The following EVC2 variants were observed in gnomAD, a reference collection of about 807,000 sequenced individuals.
EVC2 encodes limbin.
In EVC2, 148 loss-of-function variants were observed where a neutral mutation model predicts 149.3. The observed-to-expected ratio is 0.99, with a 90% CI of 0.87 to 1.14. The LOEUF is 1.14. Ranked by LOEUF, EVC2 falls within the 50% of genes most tolerant of loss-of-function variation. The pLI is 0.00. For synonymous variants in EVC2, 776 were observed against 649.9 expected (o/e 1.19, Z -2.95); for missense variants, 1,854 against 1,627.3 (o/e 1.14, Z -2.40).
chr4:5,543,257 C>T lies in EVC2; in HGVS notation c.3420-45G>A, dbSNP rs747285419. 8.8e-6 allele frequency: 11 copies of T among 1,250,542 alleles called. 1 individual carries two copies. The South Asian group carries it at 1.1e-4, about 13-fold the overall frequency. The allele number at this position is 1,250,542 out of a possible 1,614,324, so 77.5% of individuals were successfully genotyped here. On this transcript the variant is annotated intron_variant and NMD_transcript_variant, in intron 21 of 22. Coordinates refer to the EVC2 transcript ENST00000475313. The stretch of plus-strand genomic sequence containing the variant: ...TGGTCTAACCAAAGTCTCTCCCATC[C>T]CTACCCACATTGTACCATCACCATC...
chr4:5,535,748 T>C, the EVC2 span, among the ~76,000 whole-genome samples: 1 of 152,084 alleles, frequency 6.6e-6, no homozygotes. The surrounding 1 kb of genome is among the most constrained non-coding windows in gnomAD (Gnocchi z 4.7). Context: ...CACCTCAAAA[T>C]ACCATCGCAT....
At chr4:5,699,552 T>C (rs545191194) in intron 1 of EVC2, among the ~76,000 whole-genome samples, 84 of 147,738 alleles carry the variant, frequency 5.7e-4, no homozygotes, top group African/African-American at 2.0e-3. Flanking sequence ...TGTCCATCAA[T>C]GGATGAATGG....
intron 9 of EVC2, among the ~76,000 whole-genome samples, chr4:5,645,971 G>A (rs1717681432): frequency 6.6e-6 from 1 of 152,074 alleles, no homozygotes. Context: ...TGTTGCCCAG[G>A]CTGGATGGAG....
chr4:5,592,590 A>G lies in EVC2; in HGVS notation c.2830-7740T>C, dbSNP rs181625236. 2.1e-3 allele frequency among the ~76,000 whole-genome samples: 325 copies of G among 152,356 alleles called. 2 individuals carry two copies. The highest frequency in any genetic ancestry group is 7.4e-3 in the African/African-American group (309 of 41,566). On this transcript the variant is annotated intron_variant, in intron 16 of 21. Transcript: ENST00000344408. Reference sequence around the variant, plus strand: ...AGGGAACAGCAGTCTCCCAACAGATAGTAAAGACTTGAAATTGGTGATCAG... The same window carrying G: ...AGGGAACAGCAGTCTCCCAACAGATGGTAAAGACTTGAAATTGGTGATCAG...
At chr4:5,624,348 G>C (rs899511544) in intron 13 of EVC2, among the ~76,000 whole-genome samples, 13 of 152,150 alleles carry the variant, frequency 8.5e-5, no homozygotes, top group Non-Finnish European at 1.5e-4. Flanking sequence ...ACTCAAACCA[G>C]CACTCCTATT....
At chr4:5,549,392 G>A (rs191704627) in intron 21 of EVC2, among the ~76,000 whole-genome samples, 198 of 152,344 alleles carry the variant, frequency 1.3e-3, no homozygotes, top group African/African-American at 4.3e-3. Context: ...CTCACAGGTA[G>A]TCTGAGGGGC....
At position 5,628,743 on chromosome 4, in the gene EVC2, TA is replaced by T. The variant is rs35103377; in HGVS notation, c.1711-10del. On this transcript the variant is annotated splice_polypyrimidine_tract_variant and intron_variant, in intron 11 of 21. Coordinates refer to ENST00000344408, the MANE Select transcript of EVC2 (RefSeq NM_147127.5). ...AACTCTTCTACATTCTCCTGTCAAT[TA>T]AAAAAAAAAACAAGAAAATATGCCT... 0.32 allele frequency: 428,005 copies of T among 1,347,716 alleles called. 52,959 individuals carry two copies. The highest frequency in any genetic ancestry group is 0.62 in the East Asian group (24,894 of 40,188). 83.5% of individuals were successfully genotyped at this position (1,347,716 alleles called of 1,614,324 possible).
intron 8 of EVC2, 35 bp from the exon 9 acceptor site, chr4:5,663,281 G>T: frequency 6.2e-7 from 1 of 1,613,122 alleles, no homozygotes; most frequent in Non-Finnish European, 8.5e-7. Context: ...AATTGATTGG[G>T]CCTTCTTGTG....
intron 9 of EVC2, among the ~76,000 whole-genome samples, chr4:5,644,829 G>T (rs1476382324): frequency 6.6e-6 from 1 of 152,010 alleles, no homozygotes; most frequent in African/African-American, 2.4e-5. Context: ...TGACCACTAG[G>T]TCCATCCATG....
intron 16 of EVC2, 52 bp downstream of exon 16, chr4:5,615,370 G>A (rs1715164698): frequency 6.2e-7 from 1 of 1,613,086 alleles, no homozygotes; most frequent in Admixed American, 1.7e-5. Context: ...AGCTATCAGA[G>A]CAGCCCCGCC....
At chr4:5,698,918 T>C (rs1485465976) in intron 1 of EVC2, among the ~76,000 whole-genome samples, 1 of 152,258 alleles carries the variant, frequency 6.6e-6, no homozygotes, top group African/African-American at 2.4e-5. Context: ...ACTGTTCACA[T>C]GGCTCTCACG....
At chr4:5,692,160 A>G (rs1186955114) in intron 3 of EVC2, among the ~76,000 whole-genome samples, 1 of 152,176 alleles carries the variant, frequency 6.6e-6, no homozygotes, top group Non-Finnish European at 1.5e-5. Context: ...TCTCAGTGAT[A>G]TTCATAATCG....
chr4:5,556,940 C>T (rs957780573), intron 21 of EVC2, among the ~76,000 whole-genome samples: 1 of 152,044 alleles, frequency 6.6e-6, no homozygotes, highest in South Asian at 2.1e-4. Context: ...AATTGGTACC[C>T]TTCCAAGAAA....
rs1279351106 is a variant in EVC2, at chr4:5,663,239, T to C, written c.1013A>G (p.Gln338Arg). 6.2e-7 allele frequency: 1 copy of C among 1,614,152 alleles called. No homozygotes were observed. The highest frequency in any genetic ancestry group is 1.7e-5 in the Admixed American group (1 of 60,028). The change falls in exon 9 of 22, where the codon CAG (glutamine) becomes CGG (arginine). Residue 338 changes from glutamine (Q) to arginine (R), a missense_variant. Coordinates refer to ENST00000344408, the MANE Select transcript of EVC2 (RefSeq NM_147127.5). Reference sequence around the variant, plus strand: ...CAAGGGTTCCAGCTTGCTCTCATACTGCCAAACCTTCAGGAGAATTGCGGA... The same window carrying C: ...CAAGGGTTCCAGCTTGCTCTCATACCGCCAAACCTTCAGGAGAATTGCGGA... ...GNMLTRHRVW[Q>R]YESKLEPLPF...
chr4:5,689,015 G>C, intron 5 of EVC2, 142 bp downstream of exon 5: 1 of 893,338 alleles, frequency 1.1e-6, no homozygotes, highest in Non-Finnish European at 1.8e-6. Context: ...TTGATACCCT[G>C]ATAGTAAGAT....
At chr4:5,651,101 T>A (rs932177027) in intron 9 of EVC2, among the ~76,000 whole-genome samples, 3 of 151,920 alleles carry the variant, frequency 2.0e-5, no homozygotes, top group Non-Finnish European at 4.4e-5. Context: ...GAAGAATGGA[T>A]GAATGGATAG....
chr4:5,568,021 T>G (rs1444979660), intron 20 of EVC2, among the ~76,000 whole-genome samples: 1 of 152,226 alleles, frequency 6.6e-6, no homozygotes, highest in East Asian at 1.9e-4. Flanking sequence ...CACTCCACAC[T>G]CGACACACAA....
In EVC2 at chr4:5,686,468, A is replaced by G. The variant is rs1213756096; in HGVS notation, c.707-989T>C. ...AGTCATAGTCAGACCTTCCCCATAC[A>G]GTGATTTCATCACTCTCCACGTGCT... On this transcript the variant is annotated intron_variant, in intron 5 of 21. Coordinates refer to ENST00000344408, the MANE Select transcript of EVC2 (RefSeq NM_147127.5). This position sits in a 1 kb window ranked among gnomAD's most constrained non-coding sequence, Gnocchi z 5.4. Among the ~76,000 whole-genome samples, 1 of 152,204 alleles carries G rather than the reference A, an allele frequency of 6.6e-6. No individual in the cohort carries two copies. Among genetic ancestry groups the G allele is most frequent in the Non-Finnish European group, 1.5e-5 (1 of 68,038 alleles).
At chr4:5,658,071 A>G (rs1224864122) in intron 9 of EVC2, among the ~76,000 whole-genome samples, 2 of 152,344 alleles carry the variant, frequency 1.3e-5, no homozygotes, top group African/African-American at 2.4e-5. Flanking sequence ...ACCATAGTGT[A>G]GAATCAAAGA....
Sources: gnomAD v4.1 joint callset for allele counts (sites outside exome capture counted in the v4.1 genomes callset) on GRCh38, gnomAD v4.1.1 for gene constraint, Gnocchi (gnomAD v3.1) non-coding constraint, MANE v1.5 for transcripts, NCBI Gene and HGNC (gene_info 2026-07-23, HGNC 2026-07-21) for gene names.